OLFM1: variants seen among roughly 807,000 people sequenced by gnomAD.
OLFM1 encodes the protein olfactomedin 1.
OLFM1 carries 9 observed loss-of-function variants against 49.7 expected under a neutral mutation model. That is an observed-to-expected ratio of 0.18 (90% CI 0.11 to 0.32). The LOEUF is 0.32. OLFM1 is among the 10% of genes least tolerant of loss of function. The probability of loss-of-function intolerance (pLI) is 1.00; values close to 1 mark genes in which losing one functional copy is unlikely to be tolerated. For synonymous variants in OLFM1, 240 were observed against 271.8 expected (o/e 0.88, Z 1.15); for missense variants, 369 against 661.8 (o/e 0.56, Z 4.85).
chr9:135,097,875 C>T, intron 3 of OLFM1: 1 of 1,590,714 alleles, frequency 6.3e-7, no homozygotes, highest in Middle Eastern at 1.7e-4. Context: ...CTTTTTGCAC[C>T]ATGCATTTTT....
chr9:135,098,552 G>GT lies in OLFM1; in HGVS notation c.676+47_676+48insT, dbSNP rs774582872. On this transcript the variant is annotated intron_variant, in intron 4 of 5. Transcript: ENST00000371793. The surrounding 1 kb of genome is among the most constrained non-coding windows in gnomAD (Gnocchi z 5.6). ...ACGTGGCGCTGCACTGCCCACCTCC[G>GT]GCACACGCACAGGCTTAGGGAGTGG... 1 of 1,529,190 alleles carries GT rather than the reference G, an allele frequency of 6.5e-7. No homozygotes were observed. Among genetic ancestry groups the GT allele is most frequent in the Non-Finnish European group, 9.0e-7 (1 of 1,105,588 alleles). 94.7% of individuals were successfully genotyped at this position (1,529,190 alleles called of 1,614,324 possible). A position where few individuals can be genotyped will look rare whatever the true frequency, so the allele number is the denominator to read the frequency against.
At chr9:135,108,894 A>C (rs929822653) in intron 5 of OLFM1, among the ~76,000 whole-genome samples, 1 of 152,052 alleles carries the variant, frequency 6.6e-6, no homozygotes, top group African/African-American at 2.4e-5. Flanking sequence ...TGCAGCATGC[A>C]CTGACACTCC....
At chr9:135,110,372 C>T (rs1405954682) in intron 5 of OLFM1, among the ~76,000 whole-genome samples, 1 of 152,146 alleles carries the variant, frequency 6.6e-6, no homozygotes, top group Non-Finnish European at 1.5e-5. Context: ...AAAAGGGGGC[C>T]AGCGCTACTC....
At chr9:135,109,182 C>T (rs1389637107) in intron 5 of OLFM1, among the ~76,000 whole-genome samples, 1 of 152,218 alleles carries the variant, frequency 6.6e-6, no homozygotes, top group African/African-American at 2.4e-5. Flanking sequence ...TAACGCCACA[C>T]GTGTGTGCCT....
At chr9:135,081,358 G>A (rs1006337725) in intron 1 of OLFM1, among the ~76,000 whole-genome samples, 1 of 152,152 alleles carries the variant, frequency 6.6e-6, no homozygotes, top group Non-Finnish European at 1.5e-5. Context: ...CTGCCGGGTC[G>A]CCGACCTCTG....
At chr9:135,086,985 G>A (rs1395894694), upstream of OLFM1, among the ~76,000 whole-genome samples, 1 of 152,206 alleles carries the variant, frequency 6.6e-6, no homozygotes, top group African/African-American at 2.4e-5. Flanking sequence ...CCGGGTGTGC[G>A]CCCTCCCAGG....
chr9:135,099,674 G>A (rs904257540), intron 4 of OLFM1, among the ~76,000 whole-genome samples: 3 of 152,224 alleles, frequency 2.0e-5, no homozygotes, highest in East Asian at 1.9e-4. Flanking sequence ...AATGCTTGGA[G>A]TCAGAGAACT....
rs890363760 is a variant in OLFM1, at chr9:135,077,167, CAT to C, written c.96+1366_96+1367del. ...ATTCATGTGCACACACACACACACA[CAT>C]GCACACACAGGGGAGCAGATACCTG... On this transcript the variant is annotated intron_variant, in intron 1 of 5. Transcript: ENST00000252854. 24 of 1,542,118 alleles carry C rather than the reference CAT, an allele frequency of 1.6e-5. No individual in the cohort carries two copies. In the African/African-American group the frequency reaches 2.3e-4, roughly 15 times the overall value.
chr9:135,112,413 A>G (rs1475263826), intron 5 of OLFM1, among the ~76,000 whole-genome samples: 1 of 152,236 alleles, frequency 6.6e-6, no homozygotes, highest in Non-Finnish European at 1.5e-5. Context: ...TTCTTCCAGC[A>G]CGAGGATTTT....
At chr9:135,075,532 A>G in exon 1 of OLFM1, 2 of 431,742 alleles carry the variant, frequency 4.6e-6, no homozygotes, top group South Asian at 5.0e-5. Context: ...GACGCGATAA[A>G]TATGCAGAGC....
chr9:135,098,252 C>T lies in OLFM1; in HGVS notation c.457-34C>T. ...GGCAGGGTGTGAGAGTTCTTGCATG[C>T]ATCGCACTGAACCAGCTTATTTTAA... On this transcript the variant is annotated intron_variant, in intron 3 of 5. Coordinates refer to ENST00000371793, the MANE Select transcript of OLFM1 (RefSeq NM_001282611.2). This position sits in a 1 kb window ranked among gnomAD's most constrained non-coding sequence, Gnocchi z 5.6. 6.2e-7 allele frequency: 1 copy of T among 1,604,344 alleles called. No homozygotes were observed. Among genetic ancestry groups the T allele is most frequent in the Non-Finnish European group, 8.5e-7 (1 of 1,172,236 alleles).
upstream of OLFM1, among the ~76,000 whole-genome samples, chr9:135,084,864 G>C (rs1485011258): frequency 6.6e-6 from 1 of 152,140 alleles, no homozygotes; most frequent in Non-Finnish European, 1.5e-5. The surrounding 1 kb of genome is among the most constrained non-coding windows in gnomAD (Gnocchi z 4.6). Context: ...GTGGGTGTCA[G>C]TGGTCGTCTG....
intron 1 of OLFM1, among the ~76,000 whole-genome samples, chr9:135,078,191 T>C (rs1830491704): frequency 6.6e-6 from 1 of 152,208 alleles, no homozygotes. Flanking sequence ...ATGTCTGGGC[T>C]TCAGGATAGG....
In OLFM1 at chr9:135,120,025, T is replaced by C. The variant is rs1332696923; in HGVS notation, c.1305T>C (p.Tyr435=). 6.2e-7 allele frequency: 1 copy of C among 1,613,884 alleles called. No homozygotes were observed. Among genetic ancestry groups the C allele is most frequent in the Admixed American group, 1.7e-5 (1 of 59,996 alleles). Residue 435 remains tyrosine (Y), a synonymous_variant, in exon 6 of 6, where the codon TAT becomes TAC. Coordinates refer to ENST00000371793, the MANE Select transcript of OLFM1 (RefSeq NM_001282611.2). The part of the protein sequence containing the change: ...HYAYQTNAST[Y]EYIDIPFQNK... ...CATACCAGACCAATGCCTCCACCTA[T>C]GAATACATCGACATCCCATTCCAGA...
intron 5 of OLFM1, among the ~76,000 whole-genome samples, chr9:135,111,646 G>A (rs542610489): frequency 1.3e-5 from 2 of 152,280 alleles, no homozygotes; most frequent in African/African-American, 4.8e-5. Context: ...TGGGCACAGA[G>A]GTTCGGAGCT....
chr9:135,075,598 C>A, exon 1 of OLFM1: 1 of 640,358 alleles, frequency 1.6e-6, no homozygotes, highest in Non-Finnish European at 2.4e-6. Flanking sequence ...TGAATCCAGG[C>A]GTGGGGACAC....
intron 4 of OLFM1, among the ~76,000 whole-genome samples, chr9:135,099,190 T>G (rs181867024): frequency 6.6e-6 from 1 of 152,222 alleles, no homozygotes; most frequent in African/African-American, 2.4e-5. Context: ...AAATAGCACA[T>G]TTCAAATCCC....
intron 1 of OLFM1, chr9:135,076,303 T>C (rs1241513099): frequency 1.9e-6 from 3 of 1,550,096 alleles, no homozygotes; most frequent in African/African-American, 2.7e-5. Flanking sequence ...CGCTGAGACC[T>C]GGAAGGGCAG....
At chr9:135,091,760 C>G (rs1162181333) in intron 2 of OLFM1, among the ~76,000 whole-genome samples, 1 of 123,708 alleles carries the variant, frequency 8.1e-6, no homozygotes, top group Non-Finnish European at 1.7e-5. Context: ...GTCACACACA[C>G]TCACACAGTC....
Sources: allele counts gnomAD v4.1 joint callset (sites outside exome capture counted in the v4.1 genomes callset), GRCh38; gene constraint gnomAD v4.1.1; non-coding constraint Gnocchi (gnomAD v3.1); transcripts MANE v1.5; gene names NCBI Gene and HGNC (gene_info 2026-07-23, HGNC 2026-07-21).